The following CAMK2B variants were observed in gnomAD, a reference collection of about 807,000 sequenced individuals.
CAMK2B encodes calcium/calmodulin-dependent protein kinase type II subunit beta.
Under a neutral mutation model 93.7 loss-of-function variants are expected in CAMK2B, and 27 were observed. That is an observed-to-expected ratio of 0.29 (90% CI 0.21 to 0.40). The LOEUF (loss-of-function observed/expected upper bound fraction) is 0.40. Among genes scored for constraint, CAMK2B ranks in the 10% least tolerant of loss-of-function variants. The pLI is 1.00. For synonymous variants in CAMK2B, 374 were observed against 358.8 expected, an observed-to-expected ratio of 1.04 and a Z score of -0.48; for missense variants, 568 against 895.8, an observed-to-expected ratio of 0.63 and a Z score of 4.67.
intron 2 of CAMK2B, among the ~76,000 whole-genome samples, chr7:44,268,430 G>C (rs2096939844): frequency 6.6e-6 from 1 of 152,198 alleles, no homozygotes; most frequent in Non-Finnish European, 1.5e-5. Flanking sequence ...CCAGTACCAG[G>C]AGGGGCTCAA....
intron 3 of CAMK2B, 64 bp downstream of exon 3, chr7:44,262,941 G>A (rs925404554): frequency 1.3e-5 from 18 of 1,394,400 alleles, no homozygotes; most frequent in South Asian, 6.0e-5. Context: ...TAGAGAAACC[G>A]GAATGGGCTG....
In CAMK2B at chr7:44,234,624, C is replaced by T. The variant is rs200508041; in HGVS notation, c.1059+15G>A. ...CTGGGCTCCCCGGCACCACAGGGCC[C>T]GGCTGGAGCCTCACCTTGACTCCAT... On this transcript the variant is annotated intron_variant, in intron 14 of 23. Coordinates refer to ENST00000395749, the MANE Select transcript of CAMK2B (RefSeq NM_001220.5). The T allele has an allele frequency of 5.0e-4, 800 of 1,613,860 alleles. 1 individual carries two copies. Among genetic ancestry groups the T allele is most frequent in the Admixed American group, 2.4e-3 (146 of 60,010 alleles).
At chr7:44,283,954 C>A (rs898064772) in intron 2 of CAMK2B, among the ~76,000 whole-genome samples, 177 bp downstream of exon 2, 5 of 152,248 alleles carry the variant, frequency 3.3e-5, no homozygotes, top group African/African-American at 1.2e-4. Context: ...CTGTGCCTCC[C>A]TCTGCCACAG....
At chr7:44,325,200 G>T (rs1164079583) in intron 1 of CAMK2B, 157 bp downstream of exon 1, 1 of 227,034 alleles carries the variant, frequency 4.4e-6, no homozygotes, top group African/African-American at 2.4e-5. Flanking sequence ...GGGGCTCGCG[G>T]GTCGGGGCCG....
chr7:44,234,751 C>A (rs996842587), intron 13 of CAMK2B, 75 bp from the exon 14 acceptor site: 6 of 1,471,606 alleles, frequency 4.1e-6, no homozygotes, highest in Non-Finnish European at 5.7e-6. Context: ...CACCCCTTTG[C>A]CTGACCCCAC....
rs1436275728 is a variant in CAMK2B at position 44,286,437 on chromosome 7, C to T, written c.66-2212G>A. 3.9e-5 allele frequency among the ~76,000 whole-genome samples: 6 copies of T among 152,148 alleles called. No homozygotes were observed. Among genetic ancestry groups the T allele is most frequent in the East Asian group, 3.9e-4 (2 of 5,188 alleles). ...ACATCTATGCCAAGCTGATGATGCC[C>T]GTATGGCACCGCTGTGTCGAGCCCG... is the stretch of plus-strand genomic sequence containing the variant. On this transcript the variant is annotated intron_variant, in intron 1 of 23. Transcript: ENST00000395749. The surrounding 1 kb of genome is among the most constrained non-coding windows in gnomAD (Gnocchi z 4.0).
intron 2 of CAMK2B, 118 bp downstream of exon 2, chr7:44,284,013 G>T: frequency 5.8e-6 from 4 of 689,088 alleles, no homozygotes; most frequent in Non-Finnish European, 1.0e-5. Flanking sequence ...CCACAGGCAG[G>T]GTGGGCCAAG....
intron 18 of CAMK2B, 51 bp from the exon 19 acceptor site, chr7:44,228,975 C>T (rs778237962): frequency 6.3e-6 from 10 of 1,591,342 alleles, no homozygotes; most frequent in Non-Finnish European, 7.7e-6. Flanking sequence ...ACACACGAGG[C>T]GGCGGCAAGG....
At chr7:44,240,606 C>T (rs753254458) in intron 12 of CAMK2B, 101 bp downstream of exon 12, 9 of 1,353,588 alleles carry the variant, frequency 6.6e-6, no homozygotes, top group Non-Finnish European at 9.4e-6. Context: ...GCAGGCCTGC[C>T]GCAGAGGAGG....
At chr7:44,250,510 T>C (rs1293995994) in intron 5 of CAMK2B, among the ~76,000 whole-genome samples, 2 of 151,896 alleles carry the variant, frequency 1.3e-5, no homozygotes, top group African/African-American at 2.4e-5. Context: ...TTCAGCCATC[T>C]TTCAGTAGTG....
At chr7:44,281,626 T>C (rs907407980) in intron 2 of CAMK2B, among the ~76,000 whole-genome samples, 8 of 152,118 alleles carry the variant, frequency 5.3e-5, no homozygotes, top group African/African-American at 1.9e-4. Flanking sequence ...CCCGGCGACA[T>C]CTGCCCCCCA....
In CAMK2B at chr7:44,234,725, C is replaced by T. The variant is rs112889859; in HGVS notation, c.1022-49G>A. On this transcript the variant is annotated intron_variant, in intron 13 of 23. Coordinates refer to ENST00000395749, the MANE Select transcript of CAMK2B (RefSeq NM_001220.5). ...TATGGTGAGTGATGGGCCTGGGTCT[C>T]GCTGCAGCGCAACCCCACCCCTTTG... 1.8e-3 allele frequency: 2,937 copies of T among 1,592,456 alleles called. 43 individuals carry two copies. In the African/African-American group the frequency reaches 0.034, roughly 18 times the overall value.
At chr7:44,285,006 C>T (rs112888564) in intron 1 of CAMK2B, among the ~76,000 whole-genome samples, 3,386 of 152,216 alleles carry the variant, frequency 0.022, 52 homozygotes, top group Middle Eastern at 0.065. Flanking sequence ...AGGAAGGAAT[C>T]GGGTTAAGGC....
chr7:44,261,397 T>G (rs771878082), intron 3 of CAMK2B, among the ~76,000 whole-genome samples: 20 of 152,238 alleles, frequency 1.3e-4, no homozygotes, highest in Non-Finnish European at 2.5e-4. Flanking sequence ...AGGGAGGCCC[T>G]GTCATCTATG....
Position 44,228,783 on chromosome 7 carries a change from G to T in CAMK2B, c.1468+13C>A. ...CGGCAGCAGAGGCGGCAGGCCTGGG[G>T]GCCACTACTTACACGGGGAGGACAG... On this transcript the variant is annotated intron_variant, in intron 19 of 23. Coordinates refer to ENST00000395749, the MANE Select transcript of CAMK2B (RefSeq NM_001220.5). 6.8e-7 allele frequency: 1 copy of T among 1,464,728 alleles called. No homozygotes were observed. The highest frequency in any genetic ancestry group is 1.4e-5 in the South Asian group (1 of 69,414). The allele number at this position is 1,464,728 out of a possible 1,614,324, so 90.7% of individuals were successfully genotyped here. A position where few individuals can be genotyped will look rare whatever the true frequency, so the allele number is the denominator to read the frequency against.
At chr7:44,321,958 C>G (rs893813467) in intron 1 of CAMK2B, among the ~76,000 whole-genome samples, 1 of 152,258 alleles carries the variant, frequency 6.6e-6, no homozygotes, top group Non-Finnish European at 1.5e-5. Flanking sequence ...CTCGAGGACC[C>G]TCCTCGGCAG....
At chr7:44,258,380 T>C (rs2096852202) in intron 4 of CAMK2B, among the ~76,000 whole-genome samples, 1 of 152,186 alleles carries the variant, frequency 6.6e-6, no homozygotes, top group African/African-American at 2.4e-5. Context: ...ATATGGACCC[T>C]GATTTCATGT....
intron 3 of CAMK2B, among the ~76,000 whole-genome samples, chr7:44,260,951 G>A (rs2096874438): frequency 6.6e-6 from 1 of 152,212 alleles, no homozygotes; most frequent in Non-Finnish European, 1.5e-5. Flanking sequence ...GTGAGCCGAC[G>A]CTGGCCTCTG....
At chr7:44,254,776 T>C (rs111901158) in intron 4 of CAMK2B, among the ~76,000 whole-genome samples, 169 bp from the exon 5 acceptor site, 8 of 1,020 alleles carry the variant, frequency 7.8e-3, no homozygotes, top group East Asian at 0.02. Flanking sequence ...CACCACCAAC[T>C]ACCACCATCA....
Sources: allele counts gnomAD v4.1 joint callset (sites outside exome capture counted in the v4.1 genomes callset), GRCh38; gene constraint gnomAD v4.1.1; non-coding constraint Gnocchi (gnomAD v3.1); transcripts MANE v1.5; gene names NCBI Gene and HGNC (gene_info 2026-07-23, HGNC 2026-07-21).